Variants in FCHSD2 observed in about 807,000 individuals in gnomAD.
FCHSD2 encodes the protein FCH and double SH3 domains 2.
Under a neutral mutation model 108.1 loss-of-function variants are expected in FCHSD2, and 38 were observed. The ratio of observed to expected loss-of-function variants is 0.35; its 90% CI spans 0.27 to 0.46. FCHSD2 has a LOEUF of 0.46. Ranked by LOEUF, FCHSD2 falls within the 20% of genes least tolerant of loss-of-function variation. FCHSD2 has a pLI of 1.00. For synonymous variants in FCHSD2, 279 were observed against 314.7 expected (o/e 0.89, Z 1.20); for missense variants, 751 against 897.8 (o/e 0.84, Z 2.09).
chr11:72,891,691 A>G (rs1214333102), intron 10 of FCHSD2, among the ~76,000 whole-genome samples: 1 of 152,252 alleles, frequency 6.6e-6, no homozygotes, highest in Non-Finnish European at 1.5e-5. Flanking sequence ...TTTTTGAGTC[A>G]GATAGACTTA....
rs138442949 is a variant in FCHSD2 at position 73,016,874 on chromosome 11, G to A, written c.166-989C>T. 4.5e-3 allele frequency among the ~76,000 whole-genome samples: 691 copies of A among 152,278 alleles called. 2 individuals are homozygous for A. Among genetic ancestry groups the A allele is most frequent in the Non-Finnish European group, 8.4e-3 (570 of 68,014 alleles). Reference sequence around the variant, plus strand: ...AATGTTTATCTATAACAGGTGTCAGGGAGAGGTACAGGGATTTGAATTGAG... The same window carrying A: ...AATGTTTATCTATAACAGGTGTCAGAGAGAGGTACAGGGATTTGAATTGAG... On this transcript the variant is annotated intron_variant, in intron 3 of 19. Coordinates refer to ENST00000409418, the MANE Select transcript of FCHSD2 (RefSeq NM_014824.3).
At position 72,841,658 on chromosome 11, in the gene FCHSD2, T is replaced by C. The variant is rs1591329791; in HGVS notation, c.1927-75A>G. The C allele has an allele frequency of 1.9e-5, 27 of 1,405,086 alleles. No individual in the cohort carries two copies. In the East Asian group the frequency reaches 6.7e-4, roughly 35 times the overall value. 87.0% of individuals were successfully genotyped at this position (1,405,086 alleles called of 1,614,324 possible). ...AGCCTGGCTGCTTCTCTGACTGCTC[T>C]GTACTCATGCCTTTTCTCTAAAGCT... On this transcript the variant is annotated intron_variant, in intron 17 of 19. Transcript: ENST00000409418.
At chr11:73,058,805 T>C (rs1178680900) in intron 3 of FCHSD2, among the ~76,000 whole-genome samples, 1 of 152,022 alleles carries the variant, frequency 6.6e-6, no homozygotes, top group African/African-American at 2.4e-5. Context: ...TGACCTCAGG[T>C]GATCCGCCTG....
At chr11:72,899,467 A>T (rs1416744656) in intron 10 of FCHSD2, among the ~76,000 whole-genome samples, 3 of 152,182 alleles carry the variant, frequency 2.0e-5, no homozygotes, top group Non-Finnish European at 2.9e-5. Flanking sequence ...GGATGATTAT[A>T]ATCAGAGCCA....
At chr11:72,998,958 T>C (rs1857571747) in intron 5 of FCHSD2, among the ~76,000 whole-genome samples, 1 of 152,198 alleles carries the variant, frequency 6.6e-6, no homozygotes, top group Non-Finnish European at 1.5e-5. Flanking sequence ...TTAAGATTTA[T>C]AAATCTGGCA....
At chr11:73,071,942 C>T (rs1404296340) in intron 3 of FCHSD2, among the ~76,000 whole-genome samples, 1 of 151,812 alleles carries the variant, frequency 6.6e-6, no homozygotes. Context: ...AGAAAGAGTC[C>T]ACAGCATAAA....
At chr11:72,905,918 T>C (rs900923644) in intron 9 of FCHSD2, among the ~76,000 whole-genome samples, 2 of 152,226 alleles carry the variant, frequency 1.3e-5, no homozygotes, top group Non-Finnish European at 2.9e-5. Context: ...TGTGTCTTTA[T>C]AGCAGAATGA....
rs386754899 is a variant in FCHSD2 at position 72,889,461 on chromosome 11, TGAGA to T, written c.1041+364_1041+367del. ...TAGCTGACAGCACACTGCTGAGTGT[TGAGA>T]AAGTACAGAAAAAACACATATAATG... On this transcript the variant is annotated intron_variant, in intron 11 of 19. Transcript: ENST00000409418. 3.6e-3 allele frequency among the ~76,000 whole-genome samples: 543 copies of T among 152,174 alleles called. 1 individual carries two copies. Among genetic ancestry groups the T allele is most frequent in the African/African-American group, 0.012 (515 of 41,520 alleles).
chr11:73,031,423 T>C (rs1425505958), intron 3 of FCHSD2, among the ~76,000 whole-genome samples: 1 of 151,346 alleles, frequency 6.6e-6, no homozygotes, highest in African/African-American at 2.4e-5. Context: ...CTGCATTGAG[T>C]TGTGACTACT....
At chr11:73,059,279 GT>G (rs149992039) in intron 3 of FCHSD2, among the ~76,000 whole-genome samples, 28 of 147,946 alleles carry the variant, frequency 1.9e-4, no homozygotes, top group South Asian at 2.1e-4. Flanking sequence ...CCCTCCGTGG[GT>G]TTTTTTTTTA....
intron 3 of FCHSD2, among the ~76,000 whole-genome samples, chr11:73,028,762 A>G (rs1483985259): frequency 6.6e-6 from 1 of 152,158 alleles, no homozygotes; most frequent in Non-Finnish European, 1.5e-5. Flanking sequence ...TCATGAGGGC[A>G]GATTTTCCTC....
intron 12 of FCHSD2, among the ~76,000 whole-genome samples, chr11:72,878,777 G>T (rs1454888008): frequency 1.3e-5 from 2 of 152,184 alleles, no homozygotes; most frequent in Admixed American, 6.5e-5. Context: ...CTACAGTAGA[G>T]CTATGAACTG....
intron 10 of FCHSD2, among the ~76,000 whole-genome samples, chr11:72,900,664 G>C (rs541505432): frequency 3.9e-4 from 37 of 96,098 alleles, no homozygotes; most frequent in African/African-American, 1.3e-3. Context: ...ATTGGCAAAA[G>C]CTGATTTGAT....
At chr11:72,875,817 AATGG>A (rs754340034) in intron 12 of FCHSD2, among the ~76,000 whole-genome samples, 4 of 152,152 alleles carry the variant, frequency 2.6e-5, no homozygotes, top group Admixed American at 6.5e-5. Flanking sequence ...TTGCCAATTT[AATGG>A]AAACAGAGGA....
At chr11:72,990,545 A>G (rs1313040501) in intron 5 of FCHSD2, among the ~76,000 whole-genome samples, 1 of 152,222 alleles carries the variant, frequency 6.6e-6, no homozygotes, top group East Asian at 1.9e-4. Flanking sequence ...ACTCAGGATT[A>G]AGAAACTCAC....
At chr11:72,930,404 T>C (rs1407049359) in intron 8 of FCHSD2, among the ~76,000 whole-genome samples, 2 of 152,212 alleles carry the variant, frequency 1.3e-5, no homozygotes, top group Non-Finnish European at 2.9e-5. Context: ...ATTCTTGTTT[T>C]CCAAATAAAA....
At chr11:72,882,108 G>A (rs1855101751) in intron 12 of FCHSD2, among the ~76,000 whole-genome samples, 1 of 151,538 alleles carries the variant, frequency 6.6e-6, no homozygotes, top group African/African-American at 2.4e-5. Flanking sequence ...TCGCGCCACT[G>A]CACTCCAGCC....
At chr11:72,898,728 ATTTT>A (rs35118990) in intron 10 of FCHSD2, among the ~76,000 whole-genome samples, 3 of 137,802 alleles carry the variant, frequency 2.2e-5, no homozygotes, top group African/African-American at 2.7e-5. Flanking sequence ...TTTTCTTTCT[ATTTT>A]TTTTTTTTTT....
intron 2 of FCHSD2, among the ~76,000 whole-genome samples, chr11:73,104,987 G>A (rs2135536864): frequency 6.6e-6 from 1 of 152,308 alleles, no homozygotes; most frequent in East Asian, 1.9e-4. Flanking sequence ...AAGCCACAGA[G>A]GCTGTCATGT....
Sources: gnomAD v4.1 joint callset for allele counts (sites outside exome capture counted in the v4.1 genomes callset) on GRCh38, gnomAD v4.1.1 for gene constraint, MANE v1.5 for transcripts, NCBI Gene and HGNC (gene_info 2026-07-23, HGNC 2026-07-21) for gene names.